TMEM255A: variants seen among roughly 807,000 people sequenced by gnomAD.
The protein encoded by TMEM255A is family with sequence similarity 70, member A.
Under a neutral mutation model 23.5 loss-of-function variants are expected in TMEM255A, and 14 were observed. That is an observed-to-expected ratio of 0.60 (90% CI 0.39 to 0.93). The LOEUF is 0.93. Among genes scored for constraint, TMEM255A ranks in the 40% least tolerant of loss-of-function variants. TMEM255A has a pLI of 0.00. For synonymous variants in TMEM255A, 104 were observed against 100.3 expected (o/e 1.04, Z -0.22); for missense variants, 233 against 261.7 (o/e 0.89, Z 0.76).
At chrX:120,307,853 C>G (rs782186579) in intron 1 of TMEM255A, among the ~76,000 whole-genome samples, 105 of 112,062 alleles carry the variant, frequency 9.4e-4, no homozygotes, top group Non-Finnish European at 1.4e-3. Flanking sequence ...TCCTCAGCAG[C>G]CTCCCTGCAG....
At chrX:120,307,429 A>G (rs958870136) in intron 1 of TMEM255A, among the ~76,000 whole-genome samples, 1 of 112,017 alleles carries the variant, frequency 8.9e-6, no homozygotes, top group Non-Finnish European at 1.9e-5. Flanking sequence ...TTGTTTAGTA[A>G]AGTGACACGT....
At chrX:120,304,597 C>CT in intron 1 of TMEM255A, 106 bp from the exon 2 acceptor site, 1 of 886,138 alleles carries the variant, frequency 1.1e-6, no homozygotes, top group Non-Finnish European at 1.6e-6. Context: ...CTACCGGTAA[C>CT]TGAAGTTATC....
At chrX:120,276,460 G>A (rs1603401006) in intron 7 of TMEM255A, among the ~76,000 whole-genome samples, 2 of 112,129 alleles carry the variant, frequency 1.8e-5, no homozygotes. Flanking sequence ...TACCTGGGGA[G>A]GGGAAGACTA....
chrX:120,267,801 A>G (rs2057726934), intron 8 of TMEM255A, among the ~76,000 whole-genome samples: 1 of 111,690 alleles, frequency 9.0e-6, no homozygotes, highest in South Asian at 3.8e-4. Context: ...GGTTTGATTC[A>G]AACCCTTGTG....
chrX:120,289,826 C>T (rs1342247808), intron 4 of TMEM255A, among the ~76,000 whole-genome samples: 3 of 111,782 alleles, frequency 2.7e-5, no homozygotes, highest in East Asian at 5.5e-4. Context: ...ACCCATACAA[C>T]GGAATGTTAT....
At chrX:120,287,091 T>C in intron 5 of TMEM255A, 63 bp downstream of exon 5, 1 of 945,943 alleles carries the variant, frequency 1.1e-6, no homozygotes, top group East Asian at 3.1e-5. Context: ...AAAGAAAGGG[T>C]GTTTCAGGCA....
chrX:120,258,312 T>A (rs1326845708), downstream of TMEM255A: 1 of 123,748 alleles, frequency 8.1e-6, no homozygotes. Flanking sequence ...TTCCCTGTCA[T>A]GACTTTAAGT....
In TMEM255A at chrX:120,281,731, C is replaced by A. The variant is rs192531393; in HGVS notation, c.512+3396G>T. 5.3e-5 allele frequency among the ~76,000 whole-genome samples: 6 copies of A among 112,490 alleles called. No homozygotes were observed. In the Admixed American group the frequency reaches 5.6e-4, roughly 11 times the overall value. On this transcript the variant is annotated intron_variant, in intron 6 of 8. Transcript: ENST00000371369. Reference sequence around the variant, plus strand: ...ACCAGCTGATGCTGTTCACAAATCACTTCATTTCCTTTAGGTTACGGGCTG... The same window carrying A: ...ACCAGCTGATGCTGTTCACAAATCAATTCATTTCCTTTAGGTTACGGGCTG...
chrX:120,278,291 T>C (rs1484522437), intron 6 of TMEM255A, among the ~76,000 whole-genome samples: 1 of 111,952 alleles, frequency 8.9e-6, no homozygotes, highest in African/African-American at 3.3e-5. Context: ...CCTCCAGAAA[T>C]GAGAGAAATA....
intron 6 of TMEM255A, among the ~76,000 whole-genome samples, chrX:120,282,001 T>C (rs2147194999): frequency 8.9e-6 from 1 of 112,324 alleles, no homozygotes; most frequent in African/African-American, 3.2e-5. Context: ...CTGCCTGATG[T>C]TTTTGTTCCC....
At chrX:120,289,725 A>T (rs1556022526) in intron 4 of TMEM255A, among the ~76,000 whole-genome samples, 3 of 112,328 alleles carry the variant, frequency 2.7e-5, no homozygotes, top group South Asian at 7.3e-4. Context: ...TTTGTACATA[A>T]ATGTTTACAG....
At chrX:120,305,324 T>G (rs1353302651) in intron 1 of TMEM255A, among the ~76,000 whole-genome samples, 2 of 111,072 alleles carry the variant, frequency 1.8e-5, no homozygotes, top group Admixed American at 9.5e-5. Context: ...TTATTTTTTT[T>G]TAAAGGAACC....
intron 2 of TMEM255A, among the ~76,000 whole-genome samples, chrX:120,303,331 T>C (rs1479407054): frequency 9.0e-6 from 1 of 111,311 alleles, no homozygotes; most frequent in Non-Finnish European, 1.9e-5. Context: ...GGTGATCAGG[T>C]GAACTATCCT....
chrX:120,292,825 T>C (rs999235682), intron 3 of TMEM255A, among the ~76,000 whole-genome samples: 12 of 111,011 alleles, frequency 1.1e-4, no homozygotes, highest in Non-Finnish European at 2.1e-4. Flanking sequence ...GAAATACTTA[T>C]CTCCTTTGGG....
At chrX:120,293,498 G>A (rs1327186442) in intron 3 of TMEM255A, among the ~76,000 whole-genome samples, 1 of 112,548 alleles carries the variant, frequency 8.9e-6, no homozygotes, top group Admixed American at 9.4e-5. Flanking sequence ...TTTTGTGTGT[G>A]CCACAAGTAC....
At chrX:120,308,316 C>T (rs1014530492) in intron 1 of TMEM255A, among the ~76,000 whole-genome samples, 1 of 111,801 alleles carries the variant, frequency 8.9e-6, no homozygotes, top group Non-Finnish European at 1.9e-5. Context: ...TTTGTTTTAC[C>T]TTGCACACGT....
In TMEM255A at chrX:120,268,871, A is replaced by G. The variant is rs538317051; in HGVS notation, c.676-484T>C. 2.7e-5 allele frequency among the ~76,000 whole-genome samples: 3 copies of G among 112,496 alleles called. No individual in the cohort carries two copies. The South Asian group carries it at 1.1e-3, about 41-fold the overall frequency. On this transcript the variant is annotated intron_variant, in intron 7 of 8. Coordinates refer to ENST00000371369, the MANE Select transcript of TMEM255A (RefSeq NM_001104544.3). ...GTGATTTTTAAAAACAAGAATTAAAAAGAAAAAATAAGACTCAAAATGCAA... is the reference window on the plus strand; with the variant it reads ...GTGATTTTTAAAAACAAGAATTAAAGAGAAAAAATAAGACTCAAAATGCAA...
intron 7 of TMEM255A, among the ~76,000 whole-genome samples, chrX:120,269,093 C>T (rs1375288334): frequency 4.7e-5 from 5 of 105,283 alleles, no homozygotes; most frequent in Admixed American, 1.1e-4. Flanking sequence ...GCACAGAAGC[C>T]ATGAAAGACC....
chrX:120,275,365 T>C (rs782134926), intron 7 of TMEM255A, among the ~76,000 whole-genome samples: 2 of 112,031 alleles, frequency 1.8e-5, no homozygotes, highest in East Asian at 5.6e-4. Flanking sequence ...CAGGAACACT[T>C]AATAGTTCCA....
Sources: allele counts gnomAD v4.1 joint callset (sites outside exome capture counted in the v4.1 genomes callset), GRCh38; gene constraint gnomAD v4.1.1; transcripts MANE v1.5; gene names NCBI Gene and HGNC (gene_info 2026-07-23, HGNC 2026-07-21).